Variants in RAB36 observed in about 807,000 individuals in gnomAD.
RAB36 encodes ras-related protein Rab-36.
RAB36 carries 33 observed loss-of-function variants against 39.3 expected under a neutral mutation model. That is an observed-to-expected ratio of 0.84 (90% CI 0.64 to 1.12). The LOEUF (loss-of-function observed/expected upper bound fraction) is 1.12. Ranked by LOEUF, RAB36 falls within the 50% of genes most tolerant of loss-of-function variation. RAB36 has a pLI of 0.00. For missense variants in RAB36, 308 were observed against 355.3 expected (o/e 0.87, Z 1.07); for synonymous variants, 133 against 140.2 (o/e 0.95, Z 0.36).
At position 23,160,991 on chromosome 22, in the gene RAB36, C is replaced by T; in HGVS notation, c.732C>T (p.Asp244=). ...CCCGGCTCCAGGTCGGCAATGGAGACCTAATCCGTGAGTATAGGTGTGACT... is the reference window on the plus strand; with the variant it reads ...CCCGGCTCCAGGTCGGCAATGGAGATCTAATCCGTGAGTATAGGTGTGACT... ...SSARLQVGNG[D]LIQMEGSPPE... Residue 244 remains aspartate, a synonymous_variant, in exon 10 of 11, where the codon GAC becomes GAT. Coordinates refer to ENST00000263116, the MANE Select transcript of RAB36 (RefSeq NM_004914.5). 6.2e-7 allele frequency: 1 copy of T among 1,610,238 alleles called. No individual in the cohort carries two copies. Among genetic ancestry groups the T allele is most frequent in the Non-Finnish European group, 8.5e-7 (1 of 1,177,432 alleles).
chr22:23,165,161 G>C lies in RAB36; in HGVS notation c.*3597G>C, dbSNP rs1364294452. ...CTCTACTGTCTCCCCTAGCACCTCT[G>C]GGAGGAAGGGCCCACAGTAGGTGCT... On this transcript the variant is annotated 3_prime_UTR_variant, in exon 11 of 11. Coordinates refer to ENST00000263116, the MANE Select transcript of RAB36 (RefSeq NM_004914.5). Among the ~76,000 whole-genome samples the C allele has an allele frequency of 1.3e-5, 2 of 152,182 alleles. No individual in the cohort carries two copies. The highest frequency in any genetic ancestry group is 1.3e-4 in the Admixed American group (2 of 15,274).
Position 23,165,581 on chromosome 22 carries a change from A to C in RAB36, c.*4017A>C, listed in dbSNP as rs2072031231. 6.6e-6 allele frequency among the ~76,000 whole-genome samples: 1 copy of C among 152,198 alleles called. No homozygotes were observed. The highest frequency in any genetic ancestry group is 1.5e-5 in the Non-Finnish European group (1 of 68,028). On this transcript the variant is annotated 3_prime_UTR_variant, in exon 11 of 11. Coordinates refer to ENST00000263116, the MANE Select transcript of RAB36 (RefSeq NM_004914.5). ...AAAGAATTGGACTTCGGGCAGAAAAATGTTTGTGCTATTTAGTACTATGTA... is the reference window on the plus strand; with the variant it reads ...AAAGAATTGGACTTCGGGCAGAAAACTGTTTGTGCTATTTAGTACTATGTA...
At chr22:23,153,777 A>G (rs1362651093) in intron 5 of RAB36, among the ~76,000 whole-genome samples, 1 of 142,106 alleles carries the variant, frequency 7.0e-6, no homozygotes, top group African/African-American at 2.7e-5. Flanking sequence ...GCTCACTGCA[A>G]CCTCCACTTC....
chr22:23,154,494 C>T (rs917539346), intron 5 of RAB36, among the ~76,000 whole-genome samples: 4 of 152,172 alleles, frequency 2.6e-5, no homozygotes, highest in African/African-American at 4.8e-5. Flanking sequence ...TGGGAGAGAA[C>T]GCAGGGCTGC....
chr22:23,151,840 G>A (rs941562230), intron 3 of RAB36, among the ~76,000 whole-genome samples: 37 of 152,212 alleles, frequency 2.4e-4, no homozygotes, highest in African/African-American at 8.9e-4. Context: ...CCTCAGAGCC[G>A]ATTTGCCTCA....
upstream of RAB36, chr22:23,145,425 C>G: frequency 6.2e-7 from 1 of 1,610,706 alleles, no homozygotes; most frequent in Non-Finnish European, 8.5e-7. Flanking sequence ...CAACGCAGAC[C>G]CCGCCCACGA....
intron 2 of RAB36, among the ~76,000 whole-genome samples, chr22:23,149,661 CTCAGTA>C (rs1163218082): frequency 6.6e-6 from 1 of 152,218 alleles, no homozygotes. Context: ...CCTCAGCCTC[CTCAGTA>C]TCTAGGACCA....
chr22:23,147,241 T>A (rs2070832254), intron 2 of RAB36, among the ~76,000 whole-genome samples: 1 of 152,178 alleles, frequency 6.6e-6, no homozygotes, highest in Non-Finnish European at 1.5e-5. Flanking sequence ...CAGCAGGGAA[T>A]ACAAATTGAG....
At position 23,164,402 on chromosome 22, in the gene RAB36, C is replaced by T. The variant is rs1286930494; in HGVS notation, c.*2838C>T. On this transcript the variant is annotated 3_prime_UTR_variant, in exon 11 of 11. Transcript: ENST00000263116. ...ACCCTGACTGACATAGTTGTGGCCT[C>T]TCGAACTTTGATATTTGGCCTGGGA... 2 of 152,254 alleles carry T rather than the reference C, an allele frequency of 1.3e-5. No homozygotes were observed. Among genetic ancestry groups the T allele is most frequent in the Non-Finnish European group, 2.9e-5 (2 of 68,054 alleles). The allele number at this position is 152,254 out of a possible 1,614,324, so 9.4% of individuals were successfully genotyped here. A position where few individuals can be genotyped will look rare whatever the true frequency, so the allele number is the denominator to read the frequency against.
chr22:23,165,971 C>A (rs1169173011), downstream of RAB36, among the ~76,000 whole-genome samples: 1 of 151,834 alleles, frequency 6.6e-6, no homozygotes, highest in Non-Finnish European at 1.5e-5. Flanking sequence ...ATGGTGAAAC[C>A]CTGTCTCTAC....
At position 23,160,860 on chromosome 22, in the gene RAB36, C is replaced by A; in HGVS notation, c.620-19C>A. The A allele has an allele frequency of 6.2e-7, 1 of 1,610,026 alleles. No homozygotes were observed. Among genetic ancestry groups the A allele is most frequent in the South Asian group, 1.1e-5 (1 of 90,682 alleles). Reference sequence around the variant, plus strand: ...AGGAGAAACACTGATGAGGTCCCGGCTGTCTTGTGGGCCCACAGGCGAGAA... The same window carrying A: ...AGGAGAAACACTGATGAGGTCCCGGATGTCTTGTGGGCCCACAGGCGAGAA... On this transcript the variant is annotated intron_variant, in intron 9 of 10. Coordinates refer to ENST00000263116, the MANE Select transcript of RAB36 (RefSeq NM_004914.5).
chr22:23,164,399 CCT>C lies in RAB36; in HGVS notation c.*2839_*2840del, dbSNP rs2071983143. The C allele has an allele frequency of 1.3e-5, 2 of 152,246 alleles. No homozygotes were observed. Among genetic ancestry groups the C allele is most frequent in the Non-Finnish European group, 2.9e-5 (2 of 68,056 alleles). The allele number at this position is 152,246 out of a possible 1,614,324, so 9.4% of individuals were successfully genotyped here. A position where few individuals can be genotyped will look rare whatever the true frequency, so the allele number is the denominator to read the frequency against. ...CACACCCTGACTGACATAGTTGTGG[CCT>C]CTCGAACTTTGATATTTGGCCTGGG... On this transcript the variant is annotated 3_prime_UTR_variant, in exon 11 of 11. Transcript: ENST00000263116.
chr22:23,167,100 G>T (rs1202934253), downstream of RAB36, among the ~76,000 whole-genome samples: 1 of 151,978 alleles, frequency 6.6e-6, no homozygotes, highest in African/African-American at 2.4e-5. Context: ...TGAACTCCTG[G>T]TCCCTCCCCT....
chr22:23,162,877 C>T lies in RAB36; in HGVS notation c.*1313C>T. 1.1e-5 allele frequency: 4 copies of T among 377,474 alleles called. No homozygotes were observed. Among genetic ancestry groups the T allele is most frequent in the Non-Finnish European group, 2.1e-5 (4 of 188,474 alleles). 23.4% of individuals were successfully genotyped at this position (377,474 alleles called of 1,614,324 possible). On this transcript the variant is annotated 3_prime_UTR_variant, in exon 11 of 11. Coordinates refer to ENST00000263116, the MANE Select transcript of RAB36 (RefSeq NM_004914.5). ...CTGGCATCTTTTTCTATTCATTCCC[C>T]CTTCAACATATTTTTTGTAGTTTTT...
chr22:23,157,303 T>C (rs1447646194), intron 6 of RAB36, among the ~76,000 whole-genome samples: 1 of 151,274 alleles, frequency 6.6e-6, no homozygotes, highest in Non-Finnish European at 1.5e-5. Context: ...CAAACTGGAG[T>C]GCAGTGGCGC....
chr22:23,167,369 G>A (rs1224775276), downstream of RAB36, among the ~76,000 whole-genome samples: 3 of 152,314 alleles, frequency 2.0e-5, no homozygotes, highest in Non-Finnish European at 2.9e-5. Flanking sequence ...CAGCCCAGCA[G>A]CCATGGTTGA....
intron 7 of RAB36, 136 bp from the exon 8 acceptor site, chr22:23,158,762 C>A: frequency 1.3e-6 from 1 of 741,076 alleles, no homozygotes; most frequent in Non-Finnish European, 2.3e-6. Context: ...CCTGCTCAGC[C>A]AGTGTGGGCC....
At chr22:23,169,097 G>A (rs1262215451), downstream of RAB36, among the ~76,000 whole-genome samples, 1 of 152,232 alleles carries the variant, frequency 6.6e-6, no homozygotes, top group Non-Finnish European at 1.5e-5. Flanking sequence ...AATTGATTCT[G>A]CAGAAGGCAG....
chr22:23,169,194 G>GCTCGTTT (rs2072097068), downstream of RAB36, among the ~76,000 whole-genome samples: 1 of 152,234 alleles, frequency 6.6e-6, no homozygotes, highest in Admixed American at 6.5e-5. Flanking sequence ...CTCCACAGGG[G>GCTCGTTT]CTCGTTTCTC....
Sources: allele counts gnomAD v4.1 joint callset (sites outside exome capture counted in the v4.1 genomes callset), GRCh38; gene constraint gnomAD v4.1.1; transcripts MANE v1.5; gene names NCBI Gene and HGNC (gene_info 2026-07-23, HGNC 2026-07-21).